SLC6A2: variants seen among roughly 807,000 people sequenced by gnomAD.
SLC6A2 encodes the protein sodium-dependent noradrenaline transporter.
Under a neutral mutation model 71.7 loss-of-function variants are expected in SLC6A2, and 26 were observed. The ratio of observed to expected loss-of-function variants is 0.36; its 90% CI spans 0.27 to 0.50. The LOEUF is 0.50. Ranked by LOEUF, SLC6A2 falls within the 20% of genes least tolerant of loss-of-function variation. The pLI, the probability that SLC6A2 is intolerant of heterozygous loss-of-function variation, is 0.96. For missense variants in SLC6A2, 581 were observed against 803.9 expected (o/e 0.72, Z 3.35); for synonymous variants, 363 against 337.9 (o/e 1.07, Z -0.82).
chr16:55,667,565 G>C (rs577476674), intron 2 of SLC6A2, among the ~76,000 whole-genome samples: 34 of 152,198 alleles, frequency 2.2e-4, no homozygotes, highest in Non-Finnish European at 4.6e-4. Flanking sequence ...TGTGCATAGG[G>C]ACATGGGTCA....
At position 55,705,319 on chromosome 16, in the gene SLC6A2, C is replaced by T. The variant is rs751285205; in HGVS notation, c.*2973C>T. ...TTAATTCTCAAAAGGAGTTACCGCT[C>T]AGCTGGGAGCCAGTTCCTGCTATAT... On this transcript the variant is annotated 3_prime_UTR_variant, in exon 15 of 15. Coordinates refer to ENST00000568943, the MANE Select transcript of SLC6A2 (RefSeq NM_001172501.3). 2.9e-6 allele frequency: 4 copies of T among 1,358,818 alleles called. No individual in the cohort carries two copies. The highest frequency in any genetic ancestry group is 1.8e-4 in the Middle Eastern group (1 of 5,640). The allele number at this position is 1,358,818 out of a possible 1,614,324, so 84.2% of individuals were successfully genotyped here. A position where few individuals can be genotyped will look rare whatever the true frequency, so the allele number is the denominator to read the frequency against.
At chr16:55,693,589 A>G (rs1965704561) in intron 6 of SLC6A2, among the ~76,000 whole-genome samples, 1 of 152,170 alleles carries the variant, frequency 6.6e-6, no homozygotes, top group Non-Finnish European at 1.5e-5. Context: ...AGGAGTCACC[A>G]TTGTCTATGG....
intron 5 of SLC6A2, among the ~76,000 whole-genome samples, chr16:55,686,100 G>A (rs1965443859): frequency 6.6e-6 from 1 of 152,166 alleles, no homozygotes; most frequent in Non-Finnish European, 1.5e-5. Context: ...CCAAAATGTA[G>A]TGACTCAAAA....
intron 8 of SLC6A2, 90 bp from the exon 9 acceptor site, chr16:55,696,135 C>T (rs529807404): frequency 2.8e-5 from 23 of 824,394 alleles, no homozygotes; most frequent in South Asian, 1.6e-4. Flanking sequence ...CACACATGAC[C>T]GAACAATTGG....
chr16:55,669,421 T>C (rs1254320078), intron 2 of SLC6A2, 144 bp from the exon 3 acceptor site: 1 of 742,332 alleles, frequency 1.3e-6, no homozygotes, highest in Non-Finnish European at 2.4e-6. Context: ...ACTCTTATGA[T>C]AATTAGTATT....
chr16:55,696,953 C>G (rs1401596537), intron 9 of SLC6A2, among the ~76,000 whole-genome samples: 1 of 152,196 alleles, frequency 6.6e-6, no homozygotes, highest in African/African-American at 2.4e-5. Flanking sequence ...CACTGCACTT[C>G]AACCTGGGTA....
chr16:55,675,891 G>T lies in SLC6A2; in HGVS notation c.644+3716G>T, dbSNP rs1426439102. 2.0e-5 allele frequency among the ~76,000 whole-genome samples: 3 copies of T among 152,240 alleles called. No homozygotes were observed. The East Asian group carries it at 5.8e-4, about 29-fold the overall frequency. ...GAGTCCAGATTATCTGGAGATTGGGGTTATCCTGGGACCAACTCTTTCCCT... is the reference window on the plus strand; with the variant it reads ...GAGTCCAGATTATCTGGAGATTGGGTTTATCCTGGGACCAACTCTTTCCCT... On this transcript the variant is annotated intron_variant, in intron 4 of 14. Coordinates refer to ENST00000568943, the MANE Select transcript of SLC6A2 (RefSeq NM_001172501.3).
At chr16:55,676,726 T>G (rs770049511) in intron 4 of SLC6A2, among the ~76,000 whole-genome samples, 16 of 152,258 alleles carry the variant, frequency 1.1e-4, no homozygotes, top group Non-Finnish European at 2.1e-4. Flanking sequence ...CAAAGCACCC[T>G]TTCTATACTA....
intron 3 of SLC6A2, among the ~76,000 whole-genome samples, chr16:55,671,361 G>C (rs1339105427): frequency 6.6e-6 from 1 of 152,150 alleles, no homozygotes. Flanking sequence ...CAAGCAGGTG[G>C]TGAGTGGGCA....
chr16:55,705,020 C>T lies in SLC6A2; in HGVS notation c.*2674C>T. On this transcript the variant is annotated 3_prime_UTR_variant, in exon 15 of 15. Transcript: ENST00000568943. ...GTCATCTTTGACTTCCTTTTTGTAG[C>T]TTGTTTTTAATAGCAGAGGTCACCC... 1 of 488,090 alleles carries T rather than the reference C, an allele frequency of 2.0e-6. No individual in the cohort carries two copies. The highest frequency in any genetic ancestry group is 3.5e-5 in the Admixed American group (1 of 28,582). The allele number at this position is 488,090 out of a possible 1,614,324, so 30.2% of individuals were successfully genotyped here. A position where few individuals can be genotyped will look rare whatever the true frequency, so the allele number is the denominator to read the frequency against.
chr16:55,700,023 G>A, intron 12 of SLC6A2, 116 bp from the exon 13 acceptor site: 1 of 837,924 alleles, frequency 1.2e-6, no homozygotes, highest in South Asian at 1.4e-5. Context: ...TCCCTTTGCT[G>A]TGATGCTCAC....
intron 4 of SLC6A2, among the ~76,000 whole-genome samples, chr16:55,678,721 T>C (rs1285058361): frequency 3.9e-5 from 6 of 152,242 alleles, no homozygotes; most frequent in Non-Finnish European, 8.8e-5. Context: ...TCATCTGTGC[T>C]AAATATCAAG....
intron 4 of SLC6A2, among the ~76,000 whole-genome samples, chr16:55,684,832 C>T (rs1596990450): frequency 6.6e-6 from 1 of 152,288 alleles, no homozygotes; most frequent in African/African-American, 2.4e-5. Flanking sequence ...AGAAACCTTC[C>T]CTATTTATTA....
intron 2 of SLC6A2, among the ~76,000 whole-genome samples, chr16:55,659,651 C>G (rs1240605699): frequency 2.0e-5 from 3 of 152,166 alleles, no homozygotes; most frequent in African/African-American, 7.2e-5. Flanking sequence ...AGAAGGTGCC[C>G]AAGAAACTGC....
intron 2 of SLC6A2, among the ~76,000 whole-genome samples, chr16:55,666,348 T>C (rs529388839): frequency 6.6e-6 from 1 of 152,316 alleles, no homozygotes; most frequent in South Asian, 2.1e-4. Flanking sequence ...CAGAGCTGTT[T>C]ATAAAAGAGG....
At chr16:55,683,062 A>T (rs1406367841) in intron 4 of SLC6A2, among the ~76,000 whole-genome samples, 1 of 152,100 alleles carries the variant, frequency 6.6e-6, no homozygotes, top group African/African-American at 2.4e-5. Context: ...ATACCACACC[A>T]AGTTGTTCCC....
intron 4 of SLC6A2, among the ~76,000 whole-genome samples, chr16:55,676,621 G>A (rs1236311172): frequency 6.6e-6 from 1 of 152,182 alleles, no homozygotes; most frequent in Non-Finnish European, 1.5e-5. Flanking sequence ...TGTTATGTTG[G>A]CCTCTACCCA....
chr16:55,681,602 C>T (rs180964865), intron 4 of SLC6A2, among the ~76,000 whole-genome samples: 398 of 152,348 alleles, frequency 2.6e-3, no homozygotes, highest in Non-Finnish European at 4.5e-3. Context: ...GAAACAGCAT[C>T]GCTGGTGGTC....
intron 6 of SLC6A2, among the ~76,000 whole-genome samples, chr16:55,692,826 T>C (rs1157225192): frequency 2.0e-5 from 3 of 152,170 alleles, no homozygotes; most frequent in Non-Finnish European, 4.4e-5. Flanking sequence ...ATCTCCATAG[T>C]TGTAATGCTC....
Sources: gnomAD v4.1 joint callset for allele counts (sites outside exome capture counted in the v4.1 genomes callset) on GRCh38, gnomAD v4.1.1 for gene constraint, MANE v1.5 for transcripts, NCBI Gene and HGNC (gene_info 2026-07-23, HGNC 2026-07-21) for gene names.